Variants in NOSIP observed in about 807,000 individuals in gnomAD.
The protein encoded by NOSIP is nitric oxide synthase interacting protein, also known as nitric oxide synthase-interacting protein.
NOSIP carries 25 observed loss-of-function variants against 36.4 expected under a neutral mutation model. The ratio of observed to expected loss-of-function variants is 0.69; its 90% CI spans 0.50 to 0.96. NOSIP has a LOEUF of 0.96. Ranked by LOEUF, NOSIP falls within the 40% of genes least tolerant of loss-of-function variation. The pLI is 0.00. For synonymous variants in NOSIP, 187 were observed against 179.2 expected (o/e 1.04, Z -0.35); for missense variants, 370 against 429.0 (o/e 0.86, Z 1.21).
chr19:49,578,827 G>A (rs2080586945), intron 1 of NOSIP, among the ~76,000 whole-genome samples: 1 of 151,332 alleles, frequency 6.6e-6, no homozygotes, highest in African/African-American at 2.4e-5. Flanking sequence ...GTTTCACCGT[G>A]TTAGCCAGGA....
chr19:49,560,194 G>A lies in NOSIP; in HGVS notation c.71-155C>T. The A allele has an allele frequency of 1.6e-6, 1 of 615,298 alleles. No homozygotes were observed. Among genetic ancestry groups the A allele is most frequent in the Non-Finnish European group, 2.9e-6 (1 of 345,328 alleles). The allele number at this position is 615,298 out of a possible 1,614,324, so 38.1% of individuals were successfully genotyped here. On this transcript the variant is annotated intron_variant, in intron 2 of 8. Coordinates refer to ENST00000596358, the MANE Select transcript of NOSIP (RefSeq NM_001270960.2). The surrounding 1 kb of genome is among the most constrained non-coding windows in gnomAD (Gnocchi z 4.6). ...TTGGGAGCCGCTGCCTGTGTGCTGG[G>A]GCCACGGGCTGAACCCACAGGGAGT...
At chr19:49,558,863 C>T in intron 4 of NOSIP, 34 bp downstream of exon 4, 1 of 1,567,984 alleles carries the variant, frequency 6.4e-7, no homozygotes. Context: ...AAAGCTCCTG[C>T]CTCCGTGTGC....
chr19:49,556,349 G>T lies in NOSIP; in HGVS notation c.802C>A (p.Leu268Ile), dbSNP rs774833205. The T allele has an allele frequency of 6.2e-7, 1 of 1,613,538 alleles. No individual in the cohort carries two copies. Among genetic ancestry groups the T allele is most frequent in the South Asian group, 1.1e-5 (1 of 91,042 alleles). Residue 268 changes from leucine (L) to isoleucine (I), a missense_variant, in exon 8 of 9, where the codon CTC becomes ATC. Leu to Ile is a conservative substitution (Grantham distance 5, BLOSUM62 2). Around this residue, in one of 3 missense-constraint regions of NOSIP, gnomAD observed 315 missense variants for 331.9 expected, o/e 0.95. Transcript: ENST00000596358. ...AGCACGATGATGTCGCGGTCTGTGA[G>T]TTTGTCTCCAGTCACAGGGTCCACC... ...DMVDPVTGDK[L>I]TDRDIIVLQR...
chr19:49,557,411 T>C, intron 4 of NOSIP, 162 bp from the exon 5 acceptor site: 1 of 1,431,910 alleles, frequency 7.0e-7, no homozygotes, highest in South Asian at 1.5e-5. Flanking sequence ...TGAACCTTAC[T>C]GCGTTGTATA....
intron 1 of NOSIP, among the ~76,000 whole-genome samples, chr19:49,572,029 C>T (rs2080491504): frequency 6.7e-6 from 1 of 149,694 alleles, no homozygotes; most frequent in Non-Finnish European, 1.5e-5. Context: ...TATTTGTAGC[C>T]TTTGAAATCC....
In NOSIP at chr19:49,557,244, G is replaced by A. The variant is rs1162413518; in HGVS notation, c.264C>T (p.Tyr88=). 5.7e-6 allele frequency: 9 copies of A among 1,582,628 alleles called. No individual in the cohort carries two copies. The highest frequency in any genetic ancestry group is 4.6e-5 in the South Asian group (4 of 87,192). ...KKEIARQMKA[Y]EKQRGTRREE... ...CGCGCCGGGTGCCCCGCTGCTTCTC[G>A]TAGGCCTGCGTCGGGGAAAGTGGGC... The change falls in exon 5 of 9, where the codon TAC becomes TAT. Residue 88 remains tyrosine (Y), a synonymous_variant. Coordinates refer to ENST00000596358, the MANE Select transcript of NOSIP (RefSeq NM_001270960.2).
chr19:49,558,674 C>G (rs952584624), intron 4 of NOSIP: 17 of 596,568 alleles, frequency 2.8e-5, no homozygotes, highest in Non-Finnish European at 5.1e-5. Flanking sequence ...ATGCTAAGTG[C>G]TAAGAGAAGA....
rs770327606 is a variant in NOSIP at position 49,556,732 on chromosome 19, C to A, written c.542G>T (p.Arg181Leu). ...CCCTGACATGGGGCAGGTCACCGTG[C>A]GGGACTGCAAGGGGCAGAGAGAGGC... ...AKATKLEKPS[R>L]TVTCPMSGKP... The change falls in exon 7 of 9, where the codon CGC becomes CTC. Residue 181 changes from arginine (R) to leucine (L), a missense_variant. By Grantham distance (102) the Arg-to-Leu change is moderately radical. Coordinates refer to ENST00000596358, the MANE Select transcript of NOSIP (RefSeq NM_001270960.2). The A allele has an allele frequency of 1.9e-6, 3 of 1,605,432 alleles. No homozygotes were observed. The highest frequency in any genetic ancestry group is 4.5e-5 in the East Asian group (2 of 44,574).
At chr19:49,579,249 T>C (rs753970548) in intron 1 of NOSIP, 2 of 152,204 alleles carry the variant, frequency 1.3e-5, no homozygotes, top group African/African-American at 4.8e-5. Flanking sequence ...ATGATGGTAT[T>C]GTGGTCATAT....
In NOSIP at chr19:49,560,376, T is replaced by G; in HGVS notation, c.70+246A>C. ...CAGTTTCTTCCTCTGGAACATGGGGTAACAAGAGCACCCTCCCTGACACTC... is the reference window on the plus strand; with the variant it reads ...CAGTTTCTTCCTCTGGAACATGGGGGAACAAGAGCACCCTCCCTGACACTC... On this transcript the variant is annotated intron_variant, in intron 2 of 8. Transcript: ENST00000596358. The surrounding 1 kb of genome is among the most constrained non-coding windows in gnomAD (Gnocchi z 4.6). 1.7e-6 allele frequency: 1 copy of G among 581,982 alleles called. No homozygotes were observed. The highest frequency in any genetic ancestry group is 3.0e-5 in the Admixed American group (1 of 33,018). The allele number at this position is 581,982 out of a possible 1,614,324, so 36.1% of individuals were successfully genotyped here.
chr19:49,556,021 G>A (rs954578115), intron 8 of NOSIP, among the ~76,000 whole-genome samples, 199 bp from the exon 9 acceptor site: 2 of 148,644 alleles, frequency 1.3e-5, no homozygotes, highest in African/African-American at 5.0e-5. Context: ...GGTAGAGAGT[G>A]GCAGGGGAGG....
intron 1 of NOSIP, among the ~76,000 whole-genome samples, chr19:49,561,884 A>T (rs753574120): frequency 2.5e-4 from 29 of 115,138 alleles, no homozygotes; most frequent in African/African-American, 8.3e-4. Flanking sequence ...TGTCACAATT[A>T]AAAAAAAAAA....
At position 49,561,883 on chromosome 19, in the gene NOSIP, TAAAA is replaced by T. The variant is rs35018027; in HGVS notation, c.-1-1195_-1-1192del. Among the ~76,000 whole-genome samples, 23 of 130,018 alleles carry T rather than the reference TAAAA, an allele frequency of 1.8e-4. No individual in the cohort carries two copies. In the South Asian group the frequency reaches 5.6e-3, roughly 31 times the overall value. The allele number at this position is 130,018 out of a possible 152,430, so 85.3% of individuals were successfully genotyped here. A position where few individuals can be genotyped will look rare whatever the true frequency, so the allele number is the denominator to read the frequency against. On this transcript the variant is annotated intron_variant, in intron 1 of 8. Transcript: ENST00000596358. The stretch of plus-strand genomic sequence containing the variant: ...AGACAGAGCAAGGCTCTGTCACAAT[TAAAA>T]AAAAAAAAAAAAAGACATTGCCTAA...
chr19:49,562,773 C>T (rs1481525882), intron 1 of NOSIP, among the ~76,000 whole-genome samples: 2 of 152,008 alleles, frequency 1.3e-5, no homozygotes, highest in Non-Finnish European at 2.9e-5. Flanking sequence ...CCCAGCTACT[C>T]GGGAGGCTGA....
chr19:49,557,126 G>A lies in NOSIP; in HGVS notation c.382C>T (p.Pro128Ser). ...ESAIVSRPLN[P>S]FTAKALSGTS... ...CCCGAGAGGGCCTTGGCTGTGAAAG[G>A]GTTGAGGGGCCGGCTCACGATAGCC... Residue 128 changes from proline (P) to serine (S), a missense_variant, in exon 5 of 9, where the codon CCT becomes TCT. This residue lies in a region of NOSIP where 315 missense variants were observed against 331.9 expected (regional missense o/e 0.95). Coordinates refer to ENST00000596358, the MANE Select transcript of NOSIP (RefSeq NM_001270960.2). 6.2e-7 allele frequency: 1 copy of A among 1,613,074 alleles called. No homozygotes were observed. The highest frequency in any genetic ancestry group is 1.1e-5 in the South Asian group (1 of 90,848).
chr19:49,573,153 G>A (rs2080508194), intron 1 of NOSIP, among the ~76,000 whole-genome samples: 1 of 152,104 alleles, frequency 6.6e-6, no homozygotes, highest in African/African-American at 2.4e-5. Flanking sequence ...TATGCAGCTA[G>A]TGAGTCCTAC....
Position 49,560,055 on chromosome 19 carries a change from G to GGCAGAGTGATGGAGGGGCGGA in NOSIP, c.71-37_71-17dup, listed in dbSNP as rs756236611. 1.9e-6 allele frequency: 3 copies of GGCAGAGTGATGGAGGGGCGGA among 1,581,010 alleles called. No homozygotes were observed. The highest frequency in any genetic ancestry group is 2.6e-6 in the Non-Finnish European group (3 of 1,151,556). ...CCCGAGGCCGCTGGGGACAGAGATGGGCAGAGTGATGGAGGGGCGGAGCAA... is the reference window on the plus strand; with the variant it reads ...CCCGAGGCCGCTGGGGACAGAGATGGGCAGAGTGATGGAGGGGCGGAGCAGAGTGATGGAGGGGCGGAGCAA... On this transcript the variant is annotated splice_polypyrimidine_tract_variant and intron_variant, in intron 2 of 8. Transcript: ENST00000596358. The surrounding 1 kb of genome is among the most constrained non-coding windows in gnomAD (Gnocchi z 4.6).
chr19:49,570,658 G>A (rs1035945859), intron 1 of NOSIP, among the ~76,000 whole-genome samples: 3 of 151,840 alleles, frequency 2.0e-5, no homozygotes, highest in South Asian at 2.1e-4. Context: ...CTCCTCCTCC[G>A]ACTTCCCCCT....
chr19:49,555,859 G>GC, intron 8 of NOSIP, 37 bp from the exon 9 acceptor site: 1 of 1,524,260 alleles, frequency 6.6e-7, no homozygotes, highest in Non-Finnish European at 9.1e-7. Flanking sequence ...GTAGAGGCCG[G>GC]CCCGGGGGTG....
Sources: allele counts gnomAD v4.1 joint callset (sites outside exome capture counted in the v4.1 genomes callset), GRCh38; gene constraint gnomAD v4.1.1; regional missense constraint gnomAD v4.1.1; non-coding constraint Gnocchi (gnomAD v3.1); transcripts MANE v1.5; gene names NCBI Gene and HGNC (gene_info 2026-07-23, HGNC 2026-07-21).